ADAMTS9: variants seen among roughly 807,000 people sequenced by gnomAD.
ADAMTS9 encodes the protein A disintegrin and metalloproteinase with thrombospondin motifs 9.
A neutral mutation model predicts 257.1 loss-of-function variants in ADAMTS9; 107 were observed. The ratio of observed to expected loss-of-function variants is 0.42; its 90% CI spans 0.36 to 0.49. The LOEUF (loss-of-function observed/expected upper bound fraction) is 0.49. Among genes scored for constraint, ADAMTS9 ranks in the 20% least tolerant of loss-of-function variants. The pLI is 0.03. For synonymous variants in ADAMTS9, 982 were observed against 880.9 expected (o/e 1.11, Z -2.03); for missense variants, 2,353 against 2,469.1 (o/e 0.95, Z 1.00).
chr3:64,621,992 G>C (rs904803437), intron 18 of ADAMTS9, among the ~76,000 whole-genome samples: 1 of 151,862 alleles, frequency 6.6e-6, no homozygotes, highest in Non-Finnish European at 1.5e-5. Context: ...AAATTTCTTA[G>C]GATGAAGAAA....
Position 64,539,301 on chromosome 3 carries a change from G to A in ADAMTS9, c.5522-7C>T. On this transcript the variant is annotated splice_polypyrimidine_tract_variant and splice_region_variant and intron_variant, in intron 36 of 39. Transcript: ENST00000498707. ...GCAAACTGTAAGTCAGTGGCTGTGG[G>A]GTGGAGAAGGGGTTAAAGGCAGGGG... The A allele has an allele frequency of 6.2e-7, 1 of 1,612,622 alleles. No individual in the cohort carries two copies. The highest frequency in any genetic ancestry group is 8.5e-7 in the Non-Finnish European group (1 of 1,178,702).
intron 38 of ADAMTS9, among the ~76,000 whole-genome samples, chr3:64,524,347 C>T (rs2082884781): frequency 6.6e-6 from 1 of 152,182 alleles, no homozygotes; most frequent in Non-Finnish European, 1.5e-5. Flanking sequence ...GAATTCTTTA[C>T]TTGCCTGCCA....
intron 32 of ADAMTS9, 66 bp from the exon 33 acceptor site, chr3:64,542,036 T>G: frequency 6.2e-7 from 1 of 1,601,968 alleles, no homozygotes; most frequent in Non-Finnish European, 8.5e-7. Context: ...TCTGGTGGTG[T>G]GGAGCTCAGA....
intron 30 of ADAMTS9, among the ~76,000 whole-genome samples, chr3:64,556,920 A>G (rs2083345544): frequency 6.6e-6 from 1 of 152,058 alleles, no homozygotes; most frequent in South Asian, 2.1e-4. Flanking sequence ...TGTTGTAGGT[A>G]CCATGTTAAA....
rs3796384 is a variant in ADAMTS9, at chr3:64,541,041, G to C, written c.5521+54C>G. On this transcript the variant is annotated intron_variant, in intron 36 of 39. Transcript: ENST00000498707. ...AGCCAATGTGCAAGACATGCTTGCT[G>C]TCTGAATGGAGAGAAGAACGCACAC... 1,267,115 of 1,604,902 alleles carry C rather than the reference G, an allele frequency of 0.79. 520,803 individuals are homozygous for C. The highest frequency in any genetic ancestry group is 0.86 in the Non-Finnish European group (1,004,749 of 1,174,532).
intron 3 of ADAMTS9, among the ~76,000 whole-genome samples, chr3:64,662,990 A>C (rs969831903): frequency 1.2e-4 from 18 of 152,260 alleles, no homozygotes; most frequent in Non-Finnish European, 2.2e-4. Flanking sequence ...ATATGTTTAG[A>C]CTTGGGTTCT....
At chr3:64,561,816 T>C in intron 29 of ADAMTS9, 65 bp from the exon 30 acceptor site, 1 of 1,388,698 alleles carries the variant, frequency 7.2e-7, no homozygotes. Context: ...GCGGGGGGTG[T>C]CGAGGGTCAC....
chr3:64,559,761 G>GTTACAATTA (rs2083389244), intron 30 of ADAMTS9, among the ~76,000 whole-genome samples: 1 of 152,256 alleles, frequency 6.6e-6, no homozygotes, highest in African/African-American at 2.4e-5. Flanking sequence ...TCTTCGGGAT[G>GTTACAATTA]CAAAAGGAAT....
At chr3:64,608,120 A>C (rs1559789300) in intron 22 of ADAMTS9, among the ~76,000 whole-genome samples, 1 of 151,912 alleles carries the variant, frequency 6.6e-6, no homozygotes, top group Non-Finnish European at 1.5e-5. Flanking sequence ...GTGAGATGCA[A>C]TGAAAGCAAT....
intron 32 of ADAMTS9, 143 bp from the exon 33 acceptor site, chr3:64,542,113 T>G: frequency 9.2e-7 from 1 of 1,087,072 alleles, no homozygotes; most frequent in Non-Finnish European, 1.3e-6. Flanking sequence ...AAAGCTGACA[T>G]TTACTGAGCA....
intron 2 of ADAMTS9, among the ~76,000 whole-genome samples, chr3:64,681,717 T>C (rs1159095792): frequency 6.6e-6 from 1 of 152,172 alleles, no homozygotes; most frequent in Non-Finnish European, 1.5e-5. Flanking sequence ...CTAAGTTTTT[T>C]ACTTTTTGTA....
At chr3:64,600,684 A>G (rs1355163392) in intron 26 of ADAMTS9, among the ~76,000 whole-genome samples, 1 of 152,196 alleles carries the variant, frequency 6.6e-6, no homozygotes, top group South Asian at 2.1e-4. Context: ...TAATCTAGGC[A>G]AAGGAAGCCC....
At chr3:64,544,573 G>A (rs1435399785) in intron 32 of ADAMTS9, among the ~76,000 whole-genome samples, 1 of 152,186 alleles carries the variant, frequency 6.6e-6, no homozygotes, top group Admixed American at 6.5e-5. Flanking sequence ...GTAGAAAGCT[G>A]AAACTGGATC....
At chr3:64,610,173 A>C (rs1471826972) in intron 22 of ADAMTS9, among the ~76,000 whole-genome samples, 1 of 152,262 alleles carries the variant, frequency 6.6e-6, no homozygotes, top group Admixed American at 6.5e-5. Context: ...CTTTTAAAAA[A>C]TGGCAGAAAA....
chr3:64,534,726 C>G (rs2083025210), intron 37 of ADAMTS9, among the ~76,000 whole-genome samples: 1 of 151,848 alleles, frequency 6.6e-6, no homozygotes, highest in South Asian at 2.1e-4. Flanking sequence ...CGATTTTGAC[C>G]CCAGGGGAAA....
At chr3:64,660,614 C>T (rs1041348127) in intron 3 of ADAMTS9, among the ~76,000 whole-genome samples, 2 of 152,162 alleles carry the variant, frequency 1.3e-5, no homozygotes, top group African/African-American at 4.8e-5. Context: ...TATATACACA[C>T]CCCACCTTGT....
intron 16 of ADAMTS9, among the ~76,000 whole-genome samples, chr3:64,630,323 G>T (rs1008869033): frequency 1.3e-5 from 2 of 152,170 alleles, no homozygotes; most frequent in African/African-American, 4.8e-5. Context: ...CAGCACTTTG[G>T]GAGGCCAAGG....
intron 16 of ADAMTS9, among the ~76,000 whole-genome samples, chr3:64,624,470 G>A (rs1700182383): frequency 6.6e-6 from 1 of 152,064 alleles, no homozygotes; most frequent in Non-Finnish European, 1.5e-5. Flanking sequence ...ATCCCTTGAT[G>A]AAGCTGAAAA....
Position 64,541,844 on chromosome 3 carries a change from A to G in ADAMTS9, c.5191T>C (p.Tyr1731His), listed in dbSNP as rs140793506. 414 of 1,614,100 alleles carry G rather than the reference A, an allele frequency of 2.6e-4. 2 individuals carry two copies. The highest frequency in any genetic ancestry group is 5.8e-4 in the Admixed American group (35 of 60,014). ...CTTCAGTTGGCCAACTTACAGTTAT[A>G]GACATTACGGCAGGTTTTTCGTTCT... ...PEERKTCRNV[Y>H]NCELPQNCKE... The change falls in exon 33 of 40, where the codon TAT becomes CAT. Residue 1731 changes from tyrosine to histidine, a missense_variant. Transcript: ENST00000498707.
Sources: allele counts gnomAD v4.1 joint callset (sites outside exome capture counted in the v4.1 genomes callset), GRCh38; gene constraint gnomAD v4.1.1; transcripts MANE v1.5; gene names NCBI Gene and HGNC (gene_info 2026-07-23, HGNC 2026-07-21).